Variants in PRKG1 observed in about 807,000 individuals in gnomAD.
PRKG1 encodes protein kinase cGMP-dependent 1.
In PRKG1, 35 loss-of-function variants were observed where a neutral mutation model predicts 88.1. That is an observed-to-expected ratio of 0.40 (90% CI 0.30 to 0.53). The LOEUF is 0.53. Among genes scored for constraint, PRKG1 ranks in the 20% least tolerant of loss-of-function variants. The probability of loss-of-function intolerance (pLI) is 0.59; values close to 1 mark genes in which losing one functional copy is unlikely to be tolerated. For missense variants in PRKG1, 540 were observed against 839.8 expected (o/e 0.64, Z 4.41); for synonymous variants, 303 against 292.5 (o/e 1.04, Z -0.37).
intron 9 of PRKG1, among the ~76,000 whole-genome samples, chr10:52,233,535 G>A (rs1264114810): frequency 6.7e-6 from 1 of 148,936 alleles, no homozygotes; most frequent in African/African-American, 2.5e-5. Context: ...CCCTTTCCGA[G>A]TCAAAGAAAG....
chr10:52,122,644 A>G (rs1006627754), intron 7 of PRKG1, among the ~76,000 whole-genome samples: 3 of 152,238 alleles, frequency 2.0e-5, no homozygotes, highest in Non-Finnish European at 2.9e-5. Context: ...CTGGGGTGAC[A>G]TTCTTTAAAT....
chr10:51,272,599 A>G lies in PRKG1; in HGVS notation c.478+119269A>G, dbSNP rs61852061. On this transcript the variant is annotated intron_variant, in intron 2 of 17. Transcript: ENST00000373980. The stretch of plus-strand genomic sequence containing the variant: ...TAGAGTCAAAAATTAGTAGAAAGGG[A>G]GGATGAGAAGTGAACAGGACAAATG... Among the ~76,000 whole-genome samples, 642 of 152,184 alleles carry G rather than the reference A, an allele frequency of 4.2e-3. 8 individuals carry two copies. The highest frequency in any genetic ancestry group is 7.0e-3 in the Non-Finnish European group (473 of 68,010).
chr10:52,224,892 C>T (rs144700848), intron 9 of PRKG1, among the ~76,000 whole-genome samples: 3,717 of 147,562 alleles, frequency 0.025, 71 homozygotes, highest in Middle Eastern at 0.075. Flanking sequence ...GATTGATGGG[C>T]ATTTGGGTTG....
intron 3 of PRKG1, among the ~76,000 whole-genome samples, chr10:51,688,222 G>A (rs1415344978): frequency 6.6e-6 from 1 of 151,996 alleles, no homozygotes; most frequent in African/African-American, 2.4e-5. Flanking sequence ...TGCAGGCTTT[G>A]ATTCAGCAGG....
intron 4 of PRKG1, among the ~76,000 whole-genome samples, chr10:51,820,539 C>CT (rs1486904057): frequency 1.6e-4 from 24 of 152,112 alleles, no homozygotes; most frequent in East Asian, 7.7e-4. Context: ...GATTCTGTGC[C>CT]TTTTTTTTCC....
At chr10:51,173,426 G>GTA (rs1185506099) in intron 2 of PRKG1, among the ~76,000 whole-genome samples, 1 of 151,318 alleles carries the variant, frequency 6.6e-6, no homozygotes, top group Non-Finnish European at 1.5e-5. Flanking sequence ...GTGTGTGTGT[G>GTA]TATTTGTGTG....
intron 5 of PRKG1, among the ~76,000 whole-genome samples, chr10:51,937,993 A>C (rs1842831190): frequency 6.6e-6 from 1 of 152,054 alleles, no homozygotes. Context: ...AGTCATCGAC[A>C]TCGTCCGCTC....
At chr10:51,872,093 C>T (rs951839841) in intron 4 of PRKG1, among the ~76,000 whole-genome samples, 18 of 152,140 alleles carry the variant, frequency 1.2e-4, no homozygotes, top group Non-Finnish European at 2.4e-4. Context: ...ATTTGTTTTG[C>T]GTACTTCATC....
chr10:51,374,985 G>A (rs1842788331), intron 2 of PRKG1, among the ~76,000 whole-genome samples: 1 of 152,176 alleles, frequency 6.6e-6, no homozygotes. Context: ...GAGAGAGAGA[G>A]AGAGAGAGTC....
intron 2 of PRKG1, among the ~76,000 whole-genome samples, chr10:51,394,320 A>T (rs1837519383): frequency 6.6e-6 from 1 of 152,226 alleles, no homozygotes; most frequent in South Asian, 2.1e-4. Flanking sequence ...TGACAGTAGA[A>T]CCTAGACATG....
At chr10:51,498,707 G>A (rs1303951646) in intron 3 of PRKG1, among the ~76,000 whole-genome samples, 2 of 152,090 alleles carry the variant, frequency 1.3e-5, no homozygotes, top group Non-Finnish European at 2.9e-5. Context: ...TGGAAGTTTT[G>A]GTTGAATGAG....
At chr10:51,495,321 C>T (rs1212120544) in intron 3 of PRKG1, among the ~76,000 whole-genome samples, 9 of 152,182 alleles carry the variant, frequency 5.9e-5, no homozygotes, top group Admixed American at 5.9e-4. Context: ...TCTTAGACGC[C>T]TGACCTCAAG....
chr10:51,804,622 A>G lies in PRKG1; in HGVS notation c.630A>G (p.Gln210=), dbSNP rs1345898109. ...TAAAACTCTGGGCCATTGATCGACAATGTTTTCAAACAATAATGATGAGGA... is the reference window on the plus strand; with the variant it reads ...TAAAACTCTGGGCCATTGATCGACAGTGTTTTCAAACAATAATGATGAGGA... The part of the protein sequence containing the change: ...VNVKLWAIDR[Q]CFQTIMMRTG... Residue 210 remains glutamine (Q), a synonymous_variant, in exon 4 of 18, where the codon CAA becomes CAG. Coordinates refer to ENST00000373980, the MANE Select transcript of PRKG1 (RefSeq NM_006258.4). 6.9e-6 allele frequency: 11 copies of G among 1,604,626 alleles called. No individual in the cohort carries two copies. The highest frequency in any genetic ancestry group is 5.0e-5 in the Admixed American group (3 of 59,878).
At chr10:51,580,056 C>T (rs10762233) in intron 3 of PRKG1, among the ~76,000 whole-genome samples, 42,023 of 151,974 alleles carry the variant, frequency 0.28, 7,574 homozygotes, top group East Asian at 0.87. Context: ...CATCCACATT[C>T]TCATATTTTT....
intron 9 of PRKG1, among the ~76,000 whole-genome samples, chr10:52,171,622 A>G (rs913730615): frequency 3.9e-5 from 6 of 152,226 alleles, no homozygotes; most frequent in South Asian, 2.1e-4. Context: ...AAGGCCACCA[A>G]TGCTGATAGA....
chr10:51,839,297 T>C (rs1216874429), intron 4 of PRKG1, among the ~76,000 whole-genome samples: 1 of 152,190 alleles, frequency 6.6e-6, no homozygotes, highest in Non-Finnish European at 1.5e-5. Context: ...TGCTGTACTT[T>C]TCAGAGTTTC....
At chr10:52,138,417 T>C (rs1260039481) in intron 8 of PRKG1, among the ~76,000 whole-genome samples, 2 of 152,098 alleles carry the variant, frequency 1.3e-5, no homozygotes, top group Non-Finnish European at 2.9e-5. Flanking sequence ...ATTGTTTAAA[T>C]AAAATCAATT....
At chr10:51,095,517 A>C (rs1187629550) in intron 1 of PRKG1, among the ~76,000 whole-genome samples, 1 of 152,186 alleles carries the variant, frequency 6.6e-6, no homozygotes, top group Non-Finnish European at 1.5e-5. Context: ...ATTTAAAATT[A>C]ATAGCCCCAA....
chr10:52,234,084 C>G (rs1400244335), intron 9 of PRKG1, among the ~76,000 whole-genome samples: 3 of 151,976 alleles, frequency 2.0e-5, no homozygotes, highest in African/African-American at 7.2e-5. Flanking sequence ...GGTATTCCAA[C>G]AGACCTGCAG....
Sources: allele counts gnomAD v4.1 joint callset (sites outside exome capture counted in the v4.1 genomes callset), GRCh38; gene constraint gnomAD v4.1.1; transcripts MANE v1.5; gene names NCBI Gene and HGNC (gene_info 2026-07-23, HGNC 2026-07-21).